CDC42BPA: variants seen among roughly 807,000 people sequenced by gnomAD.
CDC42BPA encodes CDC42 binding protein kinase alpha.
A neutral mutation model predicts 223.5 loss-of-function variants in CDC42BPA; 80 were observed. The observed-to-expected ratio is 0.36, with a 90% CI of 0.30 to 0.43. CDC42BPA has a LOEUF of 0.43. Among genes scored for constraint, CDC42BPA ranks in the 20% least tolerant of loss-of-function variants. CDC42BPA has a pLI of 1.00. For synonymous variants in CDC42BPA, 694 were observed against 718.6 expected (o/e 0.97, Z 0.55); for missense variants, 1,743 against 2,099.9 (o/e 0.83, Z 3.32).
intron 6 of CDC42BPA, among the ~76,000 whole-genome samples, chr1:227,158,992 T>C (rs891756156): frequency 2.0e-4 from 31 of 152,118 alleles, no homozygotes; most frequent in Admixed American, 1.8e-3. Flanking sequence ...GAGGAATACC[T>C]CACGAGTTCA....
chr1:227,142,178 A>C (rs191609835), intron 9 of CDC42BPA, among the ~76,000 whole-genome samples: 1 of 152,364 alleles, frequency 6.6e-6, no homozygotes, highest in Admixed American at 6.5e-5. Flanking sequence ...ATGTTCACTT[A>C]GCAAAACAAA....
chr1:227,271,510 GA>G (rs920287662), intron 1 of CDC42BPA, among the ~76,000 whole-genome samples: 15 of 146,774 alleles, frequency 1.0e-4, no homozygotes, highest in South Asian at 2.2e-4. Flanking sequence ...TTTCCTGTAG[GA>G]AAAAAAAAAG....
chr1:227,086,817 A>G (rs73093498), intron 16 of CDC42BPA, among the ~76,000 whole-genome samples: 42,947 of 151,324 alleles, frequency 0.28, 6,312 homozygotes, highest in African/African-American at 0.35. Context: ...ACAGGCATGC[A>G]CCACCTCACC....
intron 17 of CDC42BPA, 72 bp downstream of exon 17, chr1:227,080,821 C>A: frequency 6.5e-7 from 1 of 1,537,420 alleles, no homozygotes; most frequent in Non-Finnish European, 8.9e-7. Flanking sequence ...TATTAGTAGC[C>A]ACCTGGAATT....
intron 1 of CDC42BPA, among the ~76,000 whole-genome samples, chr1:227,291,780 T>C (rs556340112): frequency 3.3e-5 from 5 of 152,328 alleles, no homozygotes; most frequent in South Asian, 2.1e-4. Context: ...AACATTTGTA[T>C]TGTGTAATCA....
At chr1:227,193,533 CTAT>C (rs1670125401) in intron 5 of CDC42BPA, 2 of 375,880 alleles carry the variant, frequency 5.3e-6, no homozygotes, top group Non-Finnish European at 9.5e-6. Context: ...TCTCCAATGT[CTAT>C]TATTCTAGGA....
intron 1 of CDC42BPA, among the ~76,000 whole-genome samples, chr1:227,256,055 T>A (rs1682980757): frequency 6.6e-6 from 1 of 151,948 alleles, no homozygotes; most frequent in East Asian, 1.9e-4. Context: ...TACAAAGAAC[T>A]CCTACAAGTC....
chr1:227,041,237 C>A (rs1671308811), intron 23 of CDC42BPA, among the ~76,000 whole-genome samples: 1 of 152,136 alleles, frequency 6.6e-6, no homozygotes, highest in South Asian at 2.1e-4. Context: ...TAGGGCATGA[C>A]CGATCCATAT....
chr1:227,205,601 T>C (rs905155572), intron 3 of CDC42BPA, among the ~76,000 whole-genome samples: 2 of 152,038 alleles, frequency 1.3e-5, no homozygotes, highest in Non-Finnish European at 2.9e-5. Flanking sequence ...CTAACAATTA[T>C]AAAAATAGCC....
At position 227,317,356 on chromosome 1, in the gene CDC42BPA, C is replaced by G. The variant is rs1481354675; in HGVS notation, c.-174G>C. 1.7e-6 allele frequency: 1 copy of G among 579,264 alleles called. No homozygotes were observed. The highest frequency in any genetic ancestry group is 1.9e-5 in the African/African-American group (1 of 53,096). The allele number at this position is 579,264 out of a possible 1,614,324, so 35.9% of individuals were successfully genotyped here. ...CCAACACACCAGTAACCTCACTTAACTGAAGCGTCTTCAATTTCACCCATA... is the reference window on the plus strand; with the variant it reads ...CCAACACACCAGTAACCTCACTTAAGTGAAGCGTCTTCAATTTCACCCATA... On this transcript the variant is annotated 5_prime_UTR_variant, in exon 1 of 37. Transcript: ENST00000366766.
chr1:227,023,375 C>A, intron 31 of CDC42BPA, 28 bp from the exon 32 acceptor site: 1 of 1,200,006 alleles, frequency 8.3e-7, no homozygotes, highest in Admixed American at 2.2e-5. Flanking sequence ...ATTAGTATTT[C>A]AACAAAACCT....
chr1:227,119,791 T>C lies in CDC42BPA; in HGVS notation c.1647+13A>G. On this transcript the variant is annotated intron_variant, in intron 12 of 36. Coordinates refer to ENST00000366766, the MANE Select transcript of CDC42BPA (RefSeq NM_001394014.1). ...TAGAGAAAAAGCTTTAATGATCTAG[T>C]CACATATTTTACCTTATTTAGATCT... 6.6e-7 allele frequency: 1 copy of C among 1,523,486 alleles called. No homozygotes were observed. The highest frequency in any genetic ancestry group is 8.9e-7 in the Non-Finnish European group (1 of 1,121,212). 94.4% of individuals were successfully genotyped at this position (1,523,486 alleles called of 1,614,324 possible).
chr1:227,000,196 C>T (rs1178581748), intron 35 of CDC42BPA, among the ~76,000 whole-genome samples: 1 of 151,968 alleles, frequency 6.6e-6, no homozygotes, highest in African/African-American at 2.4e-5. Context: ...CCTCACTCCT[C>T]AGGAGACACG....
chr1:227,017,296 C>T (rs552045866), intron 32 of CDC42BPA, among the ~76,000 whole-genome samples: 16 of 152,258 alleles, frequency 1.1e-4, no homozygotes, highest in African/African-American at 3.6e-4. Flanking sequence ...CACAGTAGGA[C>T]ATAATTTTAC....
intron 5 of CDC42BPA, among the ~76,000 whole-genome samples, chr1:227,177,993 T>C (rs1214957860): frequency 6.6e-6 from 1 of 152,246 alleles, no homozygotes; most frequent in Non-Finnish European, 1.5e-5. Flanking sequence ...TTTGTTTCTT[T>C]TATAGTTTTT....
intron 5 of CDC42BPA, among the ~76,000 whole-genome samples, chr1:227,176,839 C>G (rs1667035540): frequency 6.6e-6 from 1 of 152,042 alleles, no homozygotes; most frequent in Admixed American, 6.6e-5. Context: ...GTCTTTTATA[C>G]CTGAAAGTCT....
chr1:227,272,584 G>A (rs1371496582), intron 1 of CDC42BPA, among the ~76,000 whole-genome samples: 1 of 152,116 alleles, frequency 6.6e-6, no homozygotes, highest in African/African-American at 2.4e-5. Flanking sequence ...TTGGGCAAAT[G>A]TGTAAGGTGT....
At chr1:227,004,748 A>C in intron 35 of CDC42BPA, 2 of 561,246 alleles carry the variant, frequency 3.6e-6, no homozygotes, top group South Asian at 2.0e-5. Flanking sequence ...CTTTATCATC[A>C]CAATTTGTAA....
At chr1:227,130,862 A>C (rs1467218524) in intron 10 of CDC42BPA, among the ~76,000 whole-genome samples, 1 of 150,494 alleles carries the variant, frequency 6.6e-6, no homozygotes, top group Admixed American at 6.6e-5. Context: ...TCAAAAAAAA[A>C]CAAACAAACA....
Sources: gnomAD v4.1 joint callset for allele counts (sites outside exome capture counted in the v4.1 genomes callset) on GRCh38, gnomAD v4.1.1 for gene constraint, MANE v1.5 for transcripts, NCBI Gene and HGNC (gene_info 2026-07-23, HGNC 2026-07-21) for gene names.